USHBP1: variants seen among roughly 807,000 people sequenced by gnomAD.
USHBP1 encodes USH1 protein network component harmonin binding protein 1, also known as harmonin-binding protein USHBP1.
A neutral mutation model predicts 76.2 loss-of-function variants in USHBP1; 67 were observed. That is an observed-to-expected ratio of 0.88 (90% CI 0.72 to 1.08). The LOEUF (loss-of-function observed/expected upper bound fraction) is 1.08, where lower values mean the gene tolerates loss of function less well. Ranked by LOEUF, USHBP1 falls within the 50% of genes least tolerant of loss-of-function variation. The pLI, the probability that USHBP1 is intolerant of heterozygous loss-of-function variation, is 0.00. For synonymous variants in USHBP1, 322 were observed against 362.2 expected, an observed-to-expected ratio of 0.89 and a Z score of 1.26; for missense variants, 931 against 915.0, an observed-to-expected ratio of 1.02 and a Z score of -0.23.
intron 7 of USHBP1, chr19:17,258,700 CT>C: frequency 4.2e-6 from 1 of 235,782 alleles, no homozygotes; most frequent in Non-Finnish European, 8.0e-6. Context: ...CAGAGCAAGA[CT>C]CTGTCTCAAA....
intron 4 of USHBP1, 127 bp downstream of exon 4, chr19:17,262,425 G>A: frequency 9.1e-7 from 1 of 1,093,458 alleles, no homozygotes; most frequent in Admixed American, 2.8e-5. Context: ...TGGGATTATA[G>A]GTGTCAGCCA....
intron 10 of USHBP1, among the ~76,000 whole-genome samples, chr19:17,254,668 A>G (rs1270792486): frequency 6.6e-6 from 1 of 151,878 alleles, no homozygotes; most frequent in Non-Finnish European, 1.5e-5. Context: ...AAAAAAAAAA[A>G]AAGAGATGAG....
chr19:17,256,742 C>G lies in USHBP1; in HGVS notation c.1221-22G>C, dbSNP rs758352194. The G allele has an allele frequency of 2.8e-5, 45 of 1,613,600 alleles. No homozygotes were observed. In the Admixed American group the frequency reaches 7.5e-4, roughly 27 times the overall value. ...AGGGCTATAGAAAACAGAAAAGGTG[C>G]CTATGTCAACACTGGCAGGCATAGG... On this transcript the variant is annotated intron_variant, in intron 8 of 12. Coordinates refer to ENST00000252597, the MANE Select transcript of USHBP1 (RefSeq NM_031941.4).
At chr19:17,253,537 C>T (rs1367898486) in intron 10 of USHBP1, among the ~76,000 whole-genome samples, 1 of 148,622 alleles carries the variant, frequency 6.7e-6, no homozygotes, top group East Asian at 2.0e-4. Context: ...GATCCACCCG[C>T]CTCGGCCTCC....
At chr19:17,255,206 C>G (rs1599468418) in intron 10 of USHBP1, among the ~76,000 whole-genome samples, 179 bp downstream of exon 10, 2 of 151,842 alleles carry the variant, frequency 1.3e-5, no homozygotes, top group Admixed American at 1.3e-4. Flanking sequence ...ACAGGAGAAT[C>G]TCTTGAACCT....
Position 17,255,551 on chromosome 19 carries a change from C to G in USHBP1, c.1526G>C (p.Gly509Ala). ...RLQLVRREKR[G>A]LELREAALRA... ...GAGGGCAGCCTCCCGCAGCTCTAGG[C>G]CCCGCTTCTCACGCCGCACCAGCTG... The change falls in exon 10 of 13, where the codon GGC becomes GCC. Residue 509 changes from glycine to alanine, a missense_variant. Coordinates refer to ENST00000252597, the MANE Select transcript of USHBP1 (RefSeq NM_031941.4). 1 of 1,613,588 alleles carries G rather than the reference C, an allele frequency of 6.2e-7. No homozygotes were observed. The highest frequency in any genetic ancestry group is 8.5e-7 in the Non-Finnish European group (1 of 1,179,730).
At chr19:17,250,752 C>T (rs1245127939) in intron 12 of USHBP1, among the ~76,000 whole-genome samples, 2 of 151,804 alleles carry the variant, frequency 1.3e-5, no homozygotes, top group Non-Finnish European at 2.9e-5. Context: ...CAGGGTTTGA[C>T]CATGTTGCCC....
chr19:17,257,381 G>A (rs1006845387), intron 8 of USHBP1, among the ~76,000 whole-genome samples: 2 of 145,604 alleles, frequency 1.4e-5, no homozygotes, highest in Non-Finnish European at 3.0e-5. Flanking sequence ...AGTGCCTAAC[G>A]CCTGTAATCC....
intron 4 of USHBP1, 114 bp from the exon 5 acceptor site, chr19:17,260,136 C>G: frequency 7.4e-7 from 1 of 1,358,714 alleles, no homozygotes; most frequent in African/African-American, 1.5e-5. Flanking sequence ...AGGCAAGAGG[C>G]TTGGATACTT....
At position 17,255,606 on chromosome 19, in the gene USHBP1, C is replaced by T; in HGVS notation, c.1471G>A (p.Glu491Lys). 6.2e-7 allele frequency: 1 copy of T among 1,607,912 alleles called. No individual in the cohort carries two copies. The highest frequency in any genetic ancestry group is 8.5e-7 in the Non-Finnish European group (1 of 1,176,576). The change falls in exon 10 of 13, where the codon GAG (glutamate) becomes AAG (lysine). Residue 491 changes from glutamate to lysine, a missense_variant and splice_region_variant. Transcript: ENST00000252597. ...QIQQDLVAAREALADLMLRLQ... is the reference protein window; with the variant it reads ...QIQQDLVAARKALADLMLRLQ... Reference sequence around the variant, plus strand: ...CGAAGCATCAGGTCCGCCAGGGCCTCCTGTGGGACCAAGGAGAGGGGAGAG... The same window carrying T: ...CGAAGCATCAGGTCCGCCAGGGCCTTCTGTGGGACCAAGGAGAGGGGAGAG...
Position 17,252,024 on chromosome 19 carries a change from G to A in USHBP1, c.1693-7C>T, listed in dbSNP as rs2073559413. 1.3e-6 allele frequency: 2 copies of A among 1,546,824 alleles called. No individual in the cohort carries two copies. The highest frequency in any genetic ancestry group is 1.7e-6 in the Non-Finnish European group (2 of 1,146,942). Reference sequence around the variant, plus strand: ...CAGGGACAGCAGGAAGGCCCTAAGGGAGGCAGAAGACAAGAAAGTGACATT... The same window carrying A: ...CAGGGACAGCAGGAAGGCCCTAAGGAAGGCAGAAGACAAGAAAGTGACATT... On this transcript the variant is annotated splice_polypyrimidine_tract_variant and splice_region_variant and intron_variant, in intron 10 of 12. Coordinates refer to ENST00000252597, the MANE Select transcript of USHBP1 (RefSeq NM_031941.4).
chr19:17,255,013 A>G (rs1031076650), intron 10 of USHBP1, among the ~76,000 whole-genome samples: 2 of 152,126 alleles, frequency 1.3e-5, no homozygotes, highest in Admixed American at 6.6e-5. Flanking sequence ...GCGGCGACTC[A>G]TGCCTGTAAT....
rs1480214112 is a variant in USHBP1, at chr19:17,262,845, C to G, written c.349G>C (p.Asp117His). The G allele has an allele frequency of 1.2e-6, 2 of 1,613,432 alleles. No homozygotes were observed. The highest frequency in any genetic ancestry group is 8.5e-7 in the Non-Finnish European group (1 of 1,179,482). The part of the protein sequence containing the change: ...ETVPPGNGAP[D>H]VFQTLQHTLS... Reference sequence around the variant, plus strand: ...GTGTGCTGGAGGGTCTGAAACACATCGGGGGCCCCATTCCCAGGGGGCACA... The same window carrying G: ...GTGTGCTGGAGGGTCTGAAACACATGGGGGGCCCCATTCCCAGGGGGCACA... Residue 117 changes from aspartate (D) to histidine (H), a missense_variant, in exon 4 of 13, where the codon GAT (aspartate) becomes CAT (histidine). Asp to His is a moderately conservative substitution (Grantham distance 81, BLOSUM62 -1). Coordinates refer to ENST00000252597, the MANE Select transcript of USHBP1 (RefSeq NM_031941.4).
intron 8 of USHBP1, 149 bp from the exon 9 acceptor site, chr19:17,256,869 A>C: frequency 8.4e-7 from 1 of 1,186,252 alleles, no homozygotes; most frequent in East Asian, 2.5e-5. Context: ...ACACCAACAT[A>C]CCCCACTAGG....
Position 17,263,004 on chromosome 19 carries a change from C to G in USHBP1, c.204-14G>C. On this transcript the variant is annotated splice_polypyrimidine_tract_variant and intron_variant, in intron 3 of 12. Coordinates refer to ENST00000252597, the MANE Select transcript of USHBP1 (RefSeq NM_031941.4). ...TTCTTGTCAGTCCTGTGGACACCAA[C>G]TCAGGCACTTGAGTCACTCCATGCT... 6.6e-7 allele frequency: 1 copy of G among 1,508,946 alleles called. No individual in the cohort carries two copies. Among genetic ancestry groups the G allele is most frequent in the East Asian group, 2.3e-5 (1 of 43,716 alleles). 93.5% of individuals were successfully genotyped at this position (1,508,946 alleles called of 1,614,324 possible).
chr19:17,256,820 GC>G, intron 8 of USHBP1, 100 bp from the exon 9 acceptor site: 1 of 1,515,590 alleles, frequency 6.6e-7, no homozygotes, highest in South Asian at 1.2e-5. Flanking sequence ...CATCTCACTG[GC>G]CACGATGGAA....
At chr19:17,257,000 G>C (rs956370938) in intron 8 of USHBP1, among the ~76,000 whole-genome samples, 15 of 151,042 alleles carry the variant, frequency 9.9e-5, no homozygotes, top group African/African-American at 3.6e-4. Flanking sequence ...ACCAGCATAG[G>C]CAACAGAGTG....
At position 17,250,148 on chromosome 19, in the gene USHBP1, T is replaced by G. The variant is rs1371600154; in HGVS notation, c.*77A>C. 2 of 1,484,430 alleles carry G rather than the reference T, an allele frequency of 1.3e-6. No homozygotes were observed. Among genetic ancestry groups the G allele is most frequent in the Non-Finnish European group, 1.8e-6 (2 of 1,106,556 alleles). 92.0% of individuals were successfully genotyped at this position (1,484,430 alleles called of 1,614,324 possible). A position where few individuals can be genotyped will look rare whatever the true frequency, so the allele number is the denominator to read the frequency against. ...CCCCAACATGCCAAATCATGCAACA[T>G]GACATGATGTCACTCCAGGACAGTT... On this transcript the variant is annotated 3_prime_UTR_variant, in exon 13 of 13. Transcript: ENST00000252597.
In USHBP1 at chr19:17,249,794, G is replaced by A; in HGVS notation, c.*431C>T. The A allele has an allele frequency of 5.4e-6, 1 of 185,130 alleles. No individual in the cohort carries two copies. The highest frequency in any genetic ancestry group is 1.1e-5 in the Non-Finnish European group (1 of 89,292). 11.5% of individuals were successfully genotyped at this position (185,130 alleles called of 1,614,324 possible). A position where few individuals can be genotyped will look rare whatever the true frequency, so the allele number is the denominator to read the frequency against. ...CACCACTGAGCCCGGCCCCCTTCAG[G>A]AAAATCTGCCAGCCAAACCCAGCAT... On this transcript the variant is annotated 3_prime_UTR_variant, in exon 13 of 13. Coordinates refer to ENST00000252597, the MANE Select transcript of USHBP1 (RefSeq NM_031941.4).
Sources: allele counts gnomAD v4.1 joint callset (sites outside exome capture counted in the v4.1 genomes callset), GRCh38; gene constraint gnomAD v4.1.1; transcripts MANE v1.5; gene names NCBI Gene and HGNC (gene_info 2026-07-23, HGNC 2026-07-21).